Variants in SLC24A3 observed in about 807,000 individuals in gnomAD.
SLC24A3 encodes the protein solute carrier family 24 member 3.
SLC24A3 carries 28 observed loss-of-function variants against 75.8 expected under a neutral mutation model. That is an observed-to-expected ratio of 0.37 (90% CI 0.27 to 0.51). SLC24A3 has a LOEUF of 0.51. SLC24A3 is among the 20% of genes least tolerant of loss of function. The pLI, the probability that SLC24A3 is intolerant of heterozygous loss-of-function variation, is 0.94. For missense variants in SLC24A3, 663 were observed against 847.8 expected (o/e 0.78, Z 2.71); for synonymous variants, 372 against 334.1 (o/e 1.11, Z -1.24).
intron 2 of SLC24A3, among the ~76,000 whole-genome samples, chr20:19,443,876 C>G (rs781520111): frequency 6.6e-6 from 1 of 152,176 alleles, no homozygotes; most frequent in Admixed American, 6.5e-5. Context: ...AGGCTTTTCT[C>G]TAGCCATGGA....
chr20:19,368,908 G>T (rs2122353222), intron 2 of SLC24A3, among the ~76,000 whole-genome samples: 1 of 152,254 alleles, frequency 6.6e-6, no homozygotes, highest in Non-Finnish European at 1.5e-5. Context: ...GACAATAACA[G>T]GTTATAATCC....
intron 2 of SLC24A3, among the ~76,000 whole-genome samples, chr20:19,351,136 A>G (rs1371646441): frequency 6.6e-6 from 1 of 152,180 alleles, no homozygotes; most frequent in Non-Finnish European, 1.5e-5. Context: ...AGGGTGATAG[A>G]GAGGAGACAG....
chr20:19,462,763 G>A (rs1212355119), intron 2 of SLC24A3, among the ~76,000 whole-genome samples: 1 of 152,214 alleles, frequency 6.6e-6, no homozygotes, highest in African/African-American at 2.4e-5. Flanking sequence ...AGAGCTGGGA[G>A]GTGGTGAGTG....
At chr20:19,520,121 C>T (rs1175725515) in intron 3 of SLC24A3, among the ~76,000 whole-genome samples, 1 of 152,208 alleles carries the variant, frequency 6.6e-6, no homozygotes, top group Non-Finnish European at 1.5e-5. Flanking sequence ...AAATGATTCT[C>T]TATCCCATAC....
chr20:19,500,320 G>T (rs1487729401), intron 2 of SLC24A3, among the ~76,000 whole-genome samples: 1 of 152,168 alleles, frequency 6.6e-6, no homozygotes, highest in Admixed American at 6.5e-5. Flanking sequence ...ATTAGGCAGG[G>T]TCTCCTTTCC....
At chr20:19,426,837 C>T (rs1987015195) in intron 2 of SLC24A3, among the ~76,000 whole-genome samples, 1 of 152,102 alleles carries the variant, frequency 6.6e-6, no homozygotes, top group Admixed American at 6.5e-5. Context: ...AATACCTGAA[C>T]CACAACAGTG....
At chr20:19,610,572 G>A (rs763206289) in intron 6 of SLC24A3, among the ~76,000 whole-genome samples, 3 of 152,220 alleles carry the variant, frequency 2.0e-5, no homozygotes, top group Non-Finnish European at 2.9e-5. Context: ...AAAGATTCTA[G>A]AGCAGTTAAT....
chr20:19,516,410 G>C (rs2029989390), intron 3 of SLC24A3, among the ~76,000 whole-genome samples: 1 of 152,232 alleles, frequency 6.6e-6, no homozygotes, highest in African/African-American at 2.4e-5. Flanking sequence ...ATTTATCGCT[G>C]TGAAGCGAGC....
chr20:19,435,498 G>A (rs1364854598), intron 2 of SLC24A3, among the ~76,000 whole-genome samples: 2 of 152,216 alleles, frequency 1.3e-5, no homozygotes, highest in African/African-American at 4.8e-5. Flanking sequence ...CCACTAAAAT[G>A]TTAGGAATCC....
At chr20:19,690,366 T>G (rs2032731637) in intron 12 of SLC24A3, among the ~76,000 whole-genome samples, 1 of 152,216 alleles carries the variant, frequency 6.6e-6, no homozygotes, top group African/African-American at 2.4e-5. Context: ...TTCTTACAAC[T>G]TTGTCTAATC....
intron 13 of SLC24A3, 130 bp downstream of exon 13, chr20:19,693,555 T>C (rs2032772015): frequency 8.4e-7 from 1 of 1,191,200 alleles, no homozygotes; most frequent in Admixed American, 2.8e-5. Context: ...AACGAACCAC[T>C]CCTAAACTTA....
chr20:19,484,648 A>G (rs1408665516), intron 2 of SLC24A3, among the ~76,000 whole-genome samples: 2 of 152,178 alleles, frequency 1.3e-5, no homozygotes, highest in African/African-American at 2.4e-5. Context: ...TCAAATGCAT[A>G]GAGACAGAAA....
chr20:19,674,914 G>A (rs1012762171), intron 9 of SLC24A3, among the ~76,000 whole-genome samples: 5 of 152,266 alleles, frequency 3.3e-5, no homozygotes, highest in Admixed American at 1.3e-4. Context: ...TTAGCCAGGC[G>A]TGGTGGCGTG....
At chr20:19,368,785 C>G (rs1438821963) in intron 2 of SLC24A3, among the ~76,000 whole-genome samples, 1 of 152,198 alleles carries the variant, frequency 6.6e-6, no homozygotes, top group Admixed American at 6.5e-5. Context: ...TCCGTGGTAT[C>G]TCAGCATCCG....
At chr20:19,415,359 C>T (rs886492121) in intron 2 of SLC24A3, among the ~76,000 whole-genome samples, 2 of 152,122 alleles carry the variant, frequency 1.3e-5, no homozygotes, top group East Asian at 1.9e-4. Flanking sequence ...GTGCAGTGCA[C>T]GGTGTGACCT....
At chr20:19,371,024 G>A (rs1985982485) in intron 2 of SLC24A3, among the ~76,000 whole-genome samples, 1 of 152,126 alleles carries the variant, frequency 6.6e-6, no homozygotes, top group East Asian at 1.9e-4. Context: ...CAGGGCTCTT[G>A]CCTGTCTTGG....
intron 6 of SLC24A3, among the ~76,000 whole-genome samples, chr20:19,596,539 A>T (rs935885873): frequency 6.6e-6 from 1 of 152,186 alleles, no homozygotes; most frequent in African/African-American, 2.4e-5. Flanking sequence ...GAAAGTTGGT[A>T]GGGTCTCTGA....
At chr20:19,549,725 A>G (rs879823116) in intron 3 of SLC24A3, among the ~76,000 whole-genome samples, 17 of 152,192 alleles carry the variant, frequency 1.1e-4, no homozygotes, top group Non-Finnish European at 2.4e-4. Flanking sequence ...TAGAGGTTGC[A>G]GTGAGCCGAG....
At chr20:19,543,984 G>A (rs371225288) in intron 3 of SLC24A3, among the ~76,000 whole-genome samples, 100 of 152,240 alleles carry the variant, frequency 6.6e-4, no homozygotes, top group African/African-American at 2.4e-3. Context: ...AAACAGTTTT[G>A]GAACTCTTCT....
Sources: gnomAD v4.1 joint callset for allele counts (sites outside exome capture counted in the v4.1 genomes callset) on GRCh38, gnomAD v4.1.1 for gene constraint, MANE v1.5 for transcripts, NCBI Gene and HGNC (gene_info 2026-07-23, HGNC 2026-07-21) for gene names.